Variants in ADCY10 observed in about 807,000 individuals in gnomAD.
ADCY10 encodes adenylate cyclase type 10.
In ADCY10, 156 loss-of-function variants were observed where a neutral mutation model predicts 183.3. The ratio of observed to expected loss-of-function variants is 0.85; its 90% confidence interval spans 0.75 to 0.97. The LOEUF (loss-of-function observed/expected upper bound fraction) is 0.97. ADCY10 is among the 50% of genes least tolerant of loss of function. ADCY10 has a pLI of 0.00. For missense variants in ADCY10, 1,745 were observed against 1,934.3 expected, an observed-to-expected ratio of 0.90 and a Z score of 1.84; for synonymous variants, 645 against 670.0, an observed-to-expected ratio of 0.96 and a Z score of 0.58.
intron 3 of ADCY10, among the ~76,000 whole-genome samples, 184 bp from the exon 4 acceptor site, chr1:167,902,238 A>T (rs1669483456): frequency 6.6e-6 from 1 of 152,182 alleles, no homozygotes; most frequent in African/African-American, 2.4e-5. Flanking sequence ...TCAAGTGGAG[A>T]ATGAGTACGT....
At chr1:167,902,536 C>T (rs550839225) in intron 3 of ADCY10, among the ~76,000 whole-genome samples, 1 of 152,298 alleles carries the variant, frequency 6.6e-6, no homozygotes, top group East Asian at 1.9e-4. Context: ...TTTATTTAGA[C>T]GGTATGGCAT....
Position 167,809,720 on chromosome 1 carries a change from G to GT in ADCY10, c.4790dup (p.Asn1597LysfsTer8), listed in dbSNP as rs753500756. On this transcript the variant is annotated frameshift_variant, in exon 33 of 33. Transcript: ENST00000367851. LOFTEE classifies it high-confidence loss of function. ...CGGTATTAGCTCTCATCAGGAATTTGTTTTTTTGAAGATCCTGAATGTTTA... is the reference window on the plus strand; with the variant it reads ...CGGTATTAGCTCTCATCAGGAATTTGTTTTTTTTGAAGATCCTGAATGTTTA... The GT allele has an allele frequency of 1.4e-5, 23 of 1,613,952 alleles. No individual in the cohort carries two copies. The South Asian group carries it at 2.3e-4, about 16-fold the overall frequency.
chr1:167,829,120 A>C, intron 26 of ADCY10, 147 bp downstream of exon 26: 1 of 855,656 alleles, frequency 1.2e-6, no homozygotes, highest in Non-Finnish European at 1.9e-6. Flanking sequence ...AAAGTGTTTG[A>C]GAACTGCTGG....
chr1:167,848,341 G>C lies in ADCY10; in HGVS notation c.2437+20C>G, dbSNP rs749867660. The C allele has an allele frequency of 1.2e-6, 2 of 1,610,946 alleles. No individual in the cohort carries two copies. The highest frequency in any genetic ancestry group is 2.7e-5 in the African/African-American group (2 of 74,842). Reference sequence around the variant, plus strand: ...TGGGATTACAGGCGTGAGCCACTGCGCCCGGCCAGATTTTCTTACCTTTTA... The same window carrying C: ...TGGGATTACAGGCGTGAGCCACTGCCCCCGGCCAGATTTTCTTACCTTTTA... On this transcript the variant is annotated intron_variant, in intron 19 of 32. Coordinates refer to ENST00000367851, the MANE Select transcript of ADCY10 (RefSeq NM_018417.6).
intron 11 of ADCY10, 66 bp downstream of exon 11, chr1:167,880,049 G>A (rs996956892): frequency 4.4e-5 from 63 of 1,420,244 alleles, no homozygotes; most frequent in Admixed American, 2.5e-4. Context: ...GCTTCCTCCC[G>A]CAAAGCCCAG....
chr1:167,819,706 G>A (rs1007126480), intron 30 of ADCY10, among the ~76,000 whole-genome samples: 5 of 152,072 alleles, frequency 3.3e-5, no homozygotes, highest in African/African-American at 1.2e-4. Context: ...GGGTTTACAG[G>A]CATGCGCCAC....
At chr1:167,837,148 A>G in intron 22 of ADCY10, 101 bp downstream of exon 22, 1 of 1,093,546 alleles carries the variant, frequency 9.1e-7, no homozygotes, top group Non-Finnish European at 1.4e-6. Context: ...CTTGCATCTA[A>G]GAGGTCAAAA....
intron 30 of ADCY10, chr1:167,820,104 C>G: frequency 6.4e-7 from 1 of 1,568,264 alleles, no homozygotes; most frequent in East Asian, 2.3e-5. Context: ...GTCCTGACAT[C>G]AACGTTTCCT....
In ADCY10 at chr1:167,876,036, C is replaced by T. The variant is rs376189810; in HGVS notation, c.1407-850G>A. ...TTTTGGGAGGCCGAGGCAGGTGGAT[C>T]ATCTGAGGTCAGGAGTTTGAGACCA... is the stretch of plus-strand genomic sequence containing the variant. On this transcript the variant is annotated intron_variant, in intron 12 of 32. Transcript: ENST00000367851. Among the ~76,000 whole-genome samples the T allele has an allele frequency of 3.2e-4, 49 of 152,196 alleles. No individual in the cohort carries two copies. In the East Asian group the frequency reaches 9.3e-3, roughly 29 times the overall value.
At chr1:167,911,407 T>C (rs1670141046) in intron 1 of ADCY10, among the ~76,000 whole-genome samples, 1 of 152,276 alleles carries the variant, frequency 6.6e-6, no homozygotes, top group Non-Finnish European at 1.5e-5. Flanking sequence ...TGCCCTGGCA[T>C]GCTTATACTG....
At chr1:167,839,400 CCT>C (rs1374053210) in intron 21 of ADCY10, among the ~76,000 whole-genome samples, 1 of 152,202 alleles carries the variant, frequency 6.6e-6, no homozygotes, top group African/African-American at 2.4e-5. Context: ...CTGGCTGGAG[CCT>C]CAGCAGCTGT....
chr1:167,875,205 GAACAGATGCTAGATTCAAA>G lies in ADCY10; in HGVS notation c.1407-38_1407-20del. 1 of 1,612,780 alleles carries G rather than the reference GAACAGATGCTAGATTCAAA, an allele frequency of 6.2e-7. No individual in the cohort carries two copies. Among genetic ancestry groups the G allele is most frequent in the Non-Finnish European group, 8.5e-7 (1 of 1,178,780 alleles). Reference sequence around the variant, plus strand: ...AAACATGCTGAAGAGAAGAACAAAAGAACAGATGCTAGATTCAAAACAGGGACATATTGAGAGCAAGAGT... The same window carrying G: ...AAACATGCTGAAGAGAAGAACAAAAGACAGGGACATATTGAGAGCAAGAGT... On this transcript the variant is annotated intron_variant, in intron 12 of 32. Coordinates refer to ENST00000367851, the MANE Select transcript of ADCY10 (RefSeq NM_018417.6).
At chr1:167,900,642 C>T (rs1000656717) in intron 5 of ADCY10, among the ~76,000 whole-genome samples, 8 of 152,112 alleles carry the variant, frequency 5.3e-5, no homozygotes, top group Non-Finnish European at 1.2e-4. Flanking sequence ...AAGCAATTCT[C>T]CTGCCTCAGC....
At position 167,856,215 on chromosome 1, in the gene ADCY10, G is replaced by T. The variant is rs1291495143; in HGVS notation, c.2121C>A (p.Asn707Lys). The change falls in exon 17 of 33, where the codon AAC becomes AAA. Residue 707 changes from asparagine to lysine, a missense_variant. By Grantham distance (94) the Asn-to-Lys change is moderately conservative. Coordinates refer to ENST00000367851, the MANE Select transcript of ADCY10 (RefSeq NM_018417.6). The stretch of plus-strand genomic sequence containing the variant: ...TCACATTGAGGTCAAGACAGATCTT[G>T]TTGGAGATGTCGTTAGGCTGTACTG... ...IGAVQPNDISNKICLDLNVSC... is the reference protein window; with the variant it reads ...IGAVQPNDISKKICLDLNVSC... The T allele has an allele frequency of 2.5e-6, 4 of 1,613,932 alleles. No homozygotes were observed. The highest frequency in any genetic ancestry group is 3.4e-6 in the Non-Finnish European group (4 of 1,179,866).
At chr1:167,838,012 C>CAG (rs1247686601) in intron 21 of ADCY10, among the ~76,000 whole-genome samples, 1 of 152,142 alleles carries the variant, frequency 6.6e-6, no homozygotes, top group Non-Finnish European at 1.5e-5. Flanking sequence ...GAAAGAATCC[C>CAG]AGAGAGGGGA....
chr1:167,902,132 A>C, intron 3 of ADCY10, 78 bp from the exon 4 acceptor site: 1 of 1,363,440 alleles, frequency 7.3e-7, no homozygotes, highest in Non-Finnish European at 1.0e-6. Flanking sequence ...TCTTAGTGGA[A>C]TAGAAACTAG....
At chr1:167,836,287 G>C in intron 23 of ADCY10, 22 bp downstream of exon 23, 5 of 1,511,446 alleles carry the variant, frequency 3.3e-6, no homozygotes, top group Non-Finnish European at 3.7e-6. Flanking sequence ...GGGTGGAGGT[G>C]GTCTGGGTAG....
At chr1:167,848,936 C>T (rs1301813862) in intron 18 of ADCY10, among the ~76,000 whole-genome samples, 1 of 152,088 alleles carries the variant, frequency 6.6e-6, no homozygotes, top group African/African-American at 2.4e-5. Flanking sequence ...CACACTGCAC[C>T]AGGCCGCTGG....
At chr1:167,865,457 T>A (rs1264139123) in intron 14 of ADCY10, among the ~76,000 whole-genome samples, 2 of 152,218 alleles carry the variant, frequency 1.3e-5, no homozygotes, top group African/African-American at 4.8e-5. Context: ...AAAACTTACC[T>A]TATGGTCAAA....
Sources: allele counts gnomAD v4.1 joint callset (sites outside exome capture counted in the v4.1 genomes callset), GRCh38; gene constraint gnomAD v4.1.1; transcripts MANE v1.5; gene names NCBI Gene and HGNC (gene_info 2026-07-23, HGNC 2026-07-21).